Variants in MYO1D observed in about 807,000 individuals in gnomAD.
The protein encoded by MYO1D is myosin ID.
Under a neutral mutation model 122.0 loss-of-function variants are expected in MYO1D, and 83 were observed. The ratio of observed to expected loss-of-function variants is 0.68; its 90% CI spans 0.57 to 0.82. MYO1D has a LOEUF of 0.82. Ranked by LOEUF, MYO1D falls within the 40% of genes least tolerant of loss-of-function variation. The pLI is 0.00. For missense variants in MYO1D, 1,157 were observed against 1,269.5 expected, an observed-to-expected ratio of 0.91 and a Z score of 1.35; for synonymous variants, 464 against 446.9, an observed-to-expected ratio of 1.04 and a Z score of -0.48.
At chr17:32,838,181 T>C (rs2090845801) in intron 1 of MYO1D, among the ~76,000 whole-genome samples, 3 of 152,178 alleles carry the variant, frequency 2.0e-5, no homozygotes, top group Admixed American at 2.0e-4. Context: ...AAATTAACTC[T>C]TTAATGCCTT....
chr17:32,502,773 G>A (rs901740090), intron 21 of MYO1D, among the ~76,000 whole-genome samples: 14 of 152,104 alleles, frequency 9.2e-5, no homozygotes, highest in African/African-American at 2.4e-4. Flanking sequence ...TTTGAACTTC[G>A]CCACACTCTG....
chr17:32,520,305 A>C (rs2150866276), intron 21 of MYO1D, among the ~76,000 whole-genome samples: 1 of 152,246 alleles, frequency 6.6e-6, no homozygotes, highest in Middle Eastern at 3.4e-3. Flanking sequence ...AAGTCCACAC[A>C]GAGGACTTCC....
At chr17:32,607,371 AAAAC>A (rs1363531377) in intron 20 of MYO1D, among the ~76,000 whole-genome samples, 1 of 152,182 alleles carries the variant, frequency 6.6e-6, no homozygotes, top group Non-Finnish European at 1.5e-5. Context: ...CAAAAATTGA[AAAAC>A]AAAACCATCT....
rs573035047 is a variant in MYO1D, at chr17:32,645,147, T to G, written c.2596-6312A>C. 8.6e-4 allele frequency among the ~76,000 whole-genome samples: 131 copies of G among 152,288 alleles called. 2 individuals carry two copies. Among genetic ancestry groups the G allele is most frequent in the African/African-American group, 2.4e-3 (100 of 41,548 alleles). On this transcript the variant is annotated intron_variant, in intron 19 of 21. Transcript: ENST00000318217. ...TCTCAGCATTTGCTTGTCTGTAAAG[T>G]ATTTTATTTCTCCTTCACTTATGAA...
chr17:32,750,757 G>A (rs969871409), intron 11 of MYO1D, among the ~76,000 whole-genome samples: 1 of 152,184 alleles, frequency 6.6e-6, no homozygotes, highest in Non-Finnish European at 1.5e-5. Context: ...GGAAATTAGA[G>A]TCAGACCTCC....
chr17:32,541,222 T>C (rs1910829978), intron 21 of MYO1D, among the ~76,000 whole-genome samples: 2 of 152,232 alleles, frequency 1.3e-5, no homozygotes, highest in Admixed American at 6.5e-5. Flanking sequence ...CAATGTGGTC[T>C]ATCTATACAG....
chr17:32,566,010 C>T (rs1328084500), intron 21 of MYO1D, among the ~76,000 whole-genome samples: 1 of 152,088 alleles, frequency 6.6e-6, no homozygotes. Flanking sequence ...CAGATGTGAG[C>T]CACCGCACCC....
At chr17:32,689,527 A>C (rs2089066274) in intron 16 of MYO1D, among the ~76,000 whole-genome samples, 1 of 152,202 alleles carries the variant, frequency 6.6e-6, no homozygotes, top group South Asian at 2.1e-4. Flanking sequence ...CCTAGCCACC[A>C]AAAGTATGAC....
At chr17:32,582,231 A>T (rs545458195) in intron 21 of MYO1D, among the ~76,000 whole-genome samples, 1 of 152,272 alleles carries the variant, frequency 6.6e-6, no homozygotes, top group South Asian at 2.1e-4. Flanking sequence ...TAGTTTCTTG[A>T]CATAAAAGCT....
At chr17:32,595,584 G>A (rs1440659226) in intron 21 of MYO1D, among the ~76,000 whole-genome samples, 1 of 152,126 alleles carries the variant, frequency 6.6e-6, no homozygotes, top group Non-Finnish European at 1.5e-5. Flanking sequence ...TGGGCAAGGT[G>A]CACCTATCAG....
At chr17:32,862,517 T>A (rs2091086314) in intron 1 of MYO1D, among the ~76,000 whole-genome samples, 1 of 152,238 alleles carries the variant, frequency 6.6e-6, no homozygotes, top group Non-Finnish European at 1.5e-5. Flanking sequence ...ATATGTACAT[T>A]TTTTATATGT....
chr17:32,661,878 TTG>T (rs1341043505), intron 16 of MYO1D, among the ~76,000 whole-genome samples: 1 of 152,218 alleles, frequency 6.6e-6, no homozygotes, highest in Non-Finnish European at 1.5e-5. Context: ...TTATATTGCA[TTG>T]TGTTATATAT....
chr17:32,688,194 C>T (rs2089045047), intron 16 of MYO1D, among the ~76,000 whole-genome samples: 1 of 152,140 alleles, frequency 6.6e-6, no homozygotes, highest in South Asian at 2.1e-4. Flanking sequence ...CTCAAGAAAG[C>T]ACGTATAAAT....
At chr17:32,677,669 T>C (rs979738201) in intron 16 of MYO1D, among the ~76,000 whole-genome samples, 11 of 149,372 alleles carry the variant, frequency 7.4e-5, no homozygotes, top group Admixed American at 4.7e-4. Context: ...AGGCATAAAG[T>C]ATGATGAAAA....
At chr17:32,635,918 C>A (rs950801094) in intron 20 of MYO1D, among the ~76,000 whole-genome samples, 2 of 151,962 alleles carry the variant, frequency 1.3e-5, no homozygotes, top group African/African-American at 4.8e-5. Flanking sequence ...ACATGATGTT[C>A]CCATAGTTTT....
chr17:32,501,064 A>G (rs1909302381), intron 21 of MYO1D, among the ~76,000 whole-genome samples: 1 of 152,100 alleles, frequency 6.6e-6, no homozygotes, highest in South Asian at 2.1e-4. Context: ...AGAAAGTTAA[A>G]CATTGAACTG....
At chr17:32,629,697 C>T (rs957072599) in intron 20 of MYO1D, among the ~76,000 whole-genome samples, 2 of 150,178 alleles carry the variant, frequency 1.3e-5, no homozygotes, top group Non-Finnish European at 2.9e-5. Flanking sequence ...CGCCACTACA[C>T]TCCAGCCTGG....
chr17:32,802,568 TAA>T (rs2090469773), intron 1 of MYO1D, among the ~76,000 whole-genome samples: 1 of 152,206 alleles, frequency 6.6e-6, no homozygotes, highest in South Asian at 2.1e-4. Context: ...AATCTGTGGT[TAA>T]GAGTTAGTTT....
chr17:32,709,917 A>C (rs1398120657), intron 16 of MYO1D, among the ~76,000 whole-genome samples: 3 of 152,136 alleles, frequency 2.0e-5, no homozygotes, highest in Non-Finnish European at 4.4e-5. Flanking sequence ...TTAACCATGA[A>C]TTCATAGGGC....
Sources: gnomAD v4.1 joint callset for allele counts (sites outside exome capture counted in the v4.1 genomes callset) on GRCh38, gnomAD v4.1.1 for gene constraint, MANE v1.5 for transcripts, NCBI Gene and HGNC (gene_info 2026-07-23, HGNC 2026-07-21) for gene names.